Variants in EDEM3 observed in about 807,000 individuals in gnomAD.
EDEM3 encodes the protein ER degradation-enhancing alpha-mannosidase-like protein 3.
In EDEM3, 60 loss-of-function variants were observed where a neutral mutation model predicts 110.2. The observed-to-expected ratio is 0.54, with a 90% confidence interval of 0.44 to 0.67. The LOEUF is 0.67. Ranked by LOEUF, EDEM3 falls within the 30% of genes least tolerant of loss-of-function variation. The pLI is 0.00. For missense variants in EDEM3, 996 were observed against 1,121.0 expected, an observed-to-expected ratio of 0.89 and a Z score of 1.59; for synonymous variants, 352 against 382.9, an observed-to-expected ratio of 0.92 and a Z score of 0.94.
chr1:184,752,321 A>G (rs1652815306), intron 1 of EDEM3, among the ~76,000 whole-genome samples: 1 of 152,074 alleles, frequency 6.6e-6, no homozygotes, highest in Admixed American at 6.5e-5. Context: ...GGGGAGGGAA[A>G]GGGGTGGGGC....
intron 2 of EDEM3, among the ~76,000 whole-genome samples, chr1:184,749,247 C>T (rs898765880): frequency 7.2e-5 from 11 of 152,080 alleles, no homozygotes; most frequent in African/African-American, 2.7e-4. Flanking sequence ...CCAGAGATAA[C>T]ATCTTCATGT....
At chr1:184,696,602 G>A (rs1649345073) in intron 19 of EDEM3, among the ~76,000 whole-genome samples, 2 of 151,778 alleles carry the variant, frequency 1.3e-5, no homozygotes, top group South Asian at 2.1e-4. Flanking sequence ...AGGATCAGCA[G>A]GGGGTGGATT....
At chr1:184,711,931 A>ATTTT in intron 14 of EDEM3, 54 bp from the exon 15 acceptor site, 5 of 1,073,056 alleles carry the variant, frequency 4.7e-6, no homozygotes, top group Middle Eastern at 2.4e-4. Context: ...ACTTAACATA[A>ATTTT]TTTTTTTTTT....
In EDEM3 at chr1:184,749,605, G is replaced by T; in HGVS notation, c.159-13C>A. On this transcript the variant is annotated splice_polypyrimidine_tract_variant and intron_variant, in intron 1 of 19. Transcript: ENST00000318130. ...CAGTACTTGATTCCTAATTTTAAAA[G>T]AGCAGAAATGGAAAAAAAAAAAAAA... 5 of 1,260,596 alleles carry T rather than the reference G, an allele frequency of 4.0e-6. No homozygotes were observed. Among genetic ancestry groups the T allele is most frequent in the African/African-American group, 1.9e-5 (1 of 51,544 alleles). The allele number at this position is 1,260,596 out of a possible 1,614,324, so 78.1% of individuals were successfully genotyped here.
chr1:184,701,818 A>G (rs1255962087), intron 19 of EDEM3, among the ~76,000 whole-genome samples: 1 of 152,150 alleles, frequency 6.6e-6, no homozygotes, highest in Non-Finnish European at 1.5e-5. Context: ...TTGACATTTC[A>G]AAGAATCTCA....
rs1649096819 is a variant in EDEM3, at chr1:184,692,339, G to A, written c.*1724C>T. The A allele has an allele frequency of 6.6e-6, 1 of 151,986 alleles. No homozygotes were observed. Among genetic ancestry groups the A allele is most frequent in the Non-Finnish European group, 1.5e-5 (1 of 67,980 alleles). The allele number at this position is 151,986 out of a possible 1,614,324, so 9.4% of individuals were successfully genotyped here. A position where few individuals can be genotyped will look rare whatever the true frequency, so the allele number is the denominator to read the frequency against. On this transcript the variant is annotated 3_prime_UTR_variant, in exon 20 of 20. Transcript: ENST00000318130. ...CAGGTATAATTAAAAGCCAATAAGG[G>A]TCTTGCATACTATTCTTTTTCCCCT...
At chr1:184,750,412 A>G (rs2102140040) in intron 1 of EDEM3, among the ~76,000 whole-genome samples, 1 of 152,352 alleles carries the variant, frequency 6.6e-6, no homozygotes, top group South Asian at 2.1e-4. Flanking sequence ...TCTCAAGTTC[A>G]GGGACTTGAG....
At position 184,730,314 on chromosome 1, in the gene EDEM3, G is replaced by A. The variant is rs112144063; in HGVS notation, c.612+2523C>T. ...ATGTCCACAGAGGCCGGGCATGATG[G>A]CTCACATCTGTGAGTCCAGTACTTC... On this transcript the variant is annotated intron_variant, in intron 6 of 19. Coordinates refer to ENST00000318130, the MANE Select transcript of EDEM3 (RefSeq NM_025191.4). Among the ~76,000 whole-genome samples the A allele has an allele frequency of 2.8e-3, 420 of 152,328 alleles. 1 individual carries two copies. Among genetic ancestry groups the A allele is most frequent in the African/African-American group, 9.7e-3 (402 of 41,562 alleles).
intron 9 of EDEM3, chr1:184,720,844 T>G (rs12060555): frequency 1.1e-3 from 180 of 160,282 alleles, no homozygotes; most frequent in African/African-American, 4.2e-3. Flanking sequence ...GAACCAGTCT[T>G]AAGACTTGCT....
At chr1:184,698,909 A>C (rs993707949) in intron 19 of EDEM3, among the ~76,000 whole-genome samples, 1 of 151,922 alleles carries the variant, frequency 6.6e-6, no homozygotes, top group Non-Finnish European at 1.5e-5. Flanking sequence ...CAGGAAAGTA[A>C]AAATGGCAGT....
At chr1:184,745,937 A>C (rs1252589119) in intron 2 of EDEM3, among the ~76,000 whole-genome samples, 1 of 152,222 alleles carries the variant, frequency 6.6e-6, no homozygotes, top group African/African-American at 2.4e-5. Flanking sequence ...CATCTAAATT[A>C]ATCTGCAAAC....
In EDEM3 at chr1:184,749,570, C is replaced by G. The variant is rs1652634836; in HGVS notation, c.181G>C (p.Asp61His). ...ACCATATAGTTACCATAAGCATGATCAAACATTTCCAGTACTTGATTCCTA... is the reference window on the plus strand; with the variant it reads ...ACCATATAGTTACCATAAGCATGATGAAACATTTCCAGTACTTGATTCCTA... ...KLGNQVLEMF[D>H]HAYGNYMEHA... Residue 61 changes from aspartate to histidine, a missense_variant, in exon 2 of 20, where the codon GAT becomes CAT. Transcript: ENST00000318130. 6.7e-7 allele frequency: 1 copy of G among 1,492,548 alleles called. No individual in the cohort carries two copies. Among genetic ancestry groups the G allele is most frequent in the Admixed American group, 2.0e-5 (1 of 49,004 alleles). 92.5% of individuals were successfully genotyped at this position (1,492,548 alleles called of 1,614,324 possible).
At chr1:184,713,917 A>G (rs1458261280) in intron 13 of EDEM3, among the ~76,000 whole-genome samples, 3 of 152,246 alleles carry the variant, frequency 2.0e-5, no homozygotes, top group African/African-American at 4.8e-5. Flanking sequence ...TTGAAACTAC[A>G]GCTATCATTT....
At chr1:184,705,663 AT>A (rs561703315) in intron 18 of EDEM3, among the ~76,000 whole-genome samples, 1 of 151,412 alleles carries the variant, frequency 6.6e-6, no homozygotes, top group Middle Eastern at 3.4e-3. Flanking sequence ...TACCTGAACT[AT>A]TTTTTTTTAT....
At chr1:184,724,275 T>C (rs2102094858) in intron 7 of EDEM3, among the ~76,000 whole-genome samples, 1 of 152,264 alleles carries the variant, frequency 6.6e-6, no homozygotes, top group East Asian at 1.9e-4. Flanking sequence ...CTAGATACTC[T>C]TATTTAGAAA....
At position 184,693,489 on chromosome 1, in the gene EDEM3, A is replaced by C. The variant is rs1366818786; in HGVS notation, c.*574T>G. On this transcript the variant is annotated 3_prime_UTR_variant, in exon 20 of 20. Coordinates refer to ENST00000318130, the MANE Select transcript of EDEM3 (RefSeq NM_025191.4). Reference sequence around the variant, plus strand: ...AAGGAAAAAAAATCAAGTCATCTTGATCATTTGTCACTAAATGAAACAAGA... The same window carrying C: ...AAGGAAAAAAAATCAAGTCATCTTGCTCATTTGTCACTAAATGAAACAAGA... 6.6e-6 allele frequency: 1 copy of C among 152,628 alleles called. No homozygotes were observed. Among genetic ancestry groups the C allele is most frequent in the Non-Finnish European group, 1.5e-5 (1 of 68,094 alleles). The allele number at this position is 152,628 out of a possible 1,614,324, so 9.5% of individuals were successfully genotyped here. A position where few individuals can be genotyped will look rare whatever the true frequency, so the allele number is the denominator to read the frequency against.
intron 6 of EDEM3, among the ~76,000 whole-genome samples, chr1:184,727,650 TGA>T (rs889285868): frequency 5.3e-5 from 8 of 152,100 alleles, no homozygotes; most frequent in African/African-American, 1.9e-4. Flanking sequence ...AAAACGTAGG[TGA>T]GAGATGGGGA....
At chr1:184,725,339 T>C (rs1651130620) in intron 7 of EDEM3, among the ~76,000 whole-genome samples, 1 of 152,156 alleles carries the variant, frequency 6.6e-6, no homozygotes, top group African/African-American at 2.4e-5. Flanking sequence ...AGCCTTATTT[T>C]CCTCACCTGT....
rs200912232 is a variant in EDEM3 at position 184,754,597 on chromosome 1, G to C, written c.50C>G (p.Ala17Gly). ...RGCGSPVPQR[A>G]RWRLVAATAA... Reference sequence around the variant, plus strand: ...CGTCGCCGCCACTAGTCTCCATCGCGCTCGCTGGGGAACCGGGGACCCACA... The same window carrying C: ...CGTCGCCGCCACTAGTCTCCATCGCCCTCGCTGGGGAACCGGGGACCCACA... Residue 17 changes from alanine to glycine, a missense_variant, in exon 1 of 20, where the codon GCG becomes GGG. Coordinates refer to ENST00000318130, the MANE Select transcript of EDEM3 (RefSeq NM_025191.4). 4.5e-3 allele frequency: 7,296 copies of C among 1,610,138 alleles called. 17 individuals carry two copies. Among genetic ancestry groups the C allele is most frequent in the Non-Finnish European group, 5.9e-3 (6,898 of 1,178,610 alleles).
Sources: gnomAD v4.1 joint callset for allele counts (sites outside exome capture counted in the v4.1 genomes callset) on GRCh38, gnomAD v4.1.1 for gene constraint, MANE v1.5 for transcripts, NCBI Gene and HGNC (gene_info 2026-07-23, HGNC 2026-07-21) for gene names.